Variants in SNRPN observed in about 807,000 individuals in gnomAD.
SNRPN encodes the protein small nuclear ribonucleoprotein polypeptide N, also known as small nuclear ribonucleoprotein-associated protein N.
A neutral mutation model predicts 25.2 loss-of-function variants in SNRPN; 7 were observed. The ratio of observed to expected loss-of-function variants is 0.28; its 90% confidence interval spans 0.16 to 0.52. The LOEUF (loss-of-function observed/expected upper bound fraction) is 0.52. Among genes scored for constraint, SNRPN ranks in the 20% least tolerant of loss-of-function variants. SNRPN has a pLI of 0.96. For missense variants in SNRPN, 196 were observed against 322.5 expected, an observed-to-expected ratio of 0.61 and a Z score of 3.00; for synonymous variants, 124 against 110.6, an observed-to-expected ratio of 1.12 and a Z score of -0.76.
In SNRPN at chr15:24,941,480, G is replaced by C. The variant is rs550648604; in HGVS notation, c.-390-20634G>C. Among the ~76,000 whole-genome samples, 51 of 152,250 alleles carry C rather than the reference G, an allele frequency of 3.3e-4. No homozygotes were observed. In the East Asian group the frequency reaches 9.3e-3, roughly 28 times the overall value. ...GCTGGTTGTGATTATTTATCTGGTG[G>C]GGTGACCCAAACCTTTGATTTCTGA... On this transcript the variant is annotated intron_variant, in intron 3 of 11. Coordinates refer to the SNRPN transcript ENST00000400097.
chr15:24,940,526 A>C (rs1436516972), intron 3 of SNRPN, among the ~76,000 whole-genome samples: 2 of 152,160 alleles, frequency 1.3e-5, no homozygotes, highest in East Asian at 3.9e-4. Flanking sequence ...GGAAGAGTTT[A>C]TTTCTGGGAT....
chr15:24,909,006 G>A (rs757730383), intron 2 of SNRPN: 100 of 1,414,020 alleles, frequency 7.1e-5, no homozygotes, highest in Non-Finnish European at 1.0e-4. Flanking sequence ...TTCTGAGCAA[G>A]GGACATTTTG....
At chr15:24,893,216 C>T (rs2057812982) in intron 2 of SNRPN, among the ~76,000 whole-genome samples, 1 of 121,972 alleles carries the variant, frequency 8.2e-6, no homozygotes, top group Non-Finnish European at 1.7e-5. Context: ...TCAAAACAAA[C>T]AAACAAACAA....
upstream of SNRPN, among the ~76,000 whole-genome samples, chr15:24,855,003 CA>C (rs10600812): frequency 0.76 from 106,662 of 140,794 alleles, 40,209 homozygotes; most frequent in East Asian, 0.99. Context: ...GACTCCGTCT[CA>C]AAAAAAAAAA....
At chr15:24,926,498 A>G (rs1340079292) in intron 3 of SNRPN, among the ~76,000 whole-genome samples, 2 of 152,076 alleles carry the variant, frequency 1.3e-5, no homozygotes, top group Non-Finnish European at 2.9e-5. Flanking sequence ...TTCTGCTTGT[A>G]TCCCTGCTTC....
upstream of SNRPN, among the ~76,000 whole-genome samples, chr15:24,954,158 T>G (rs978562363): frequency 2.0e-5 from 3 of 152,250 alleles, no homozygotes; most frequent in African/African-American, 7.2e-5. Flanking sequence ...CTTCCGTTAT[T>G]TCTGCAGATA....
chr15:24,847,486 C>T (rs910931777), intron 2 of SNRPN, among the ~76,000 whole-genome samples: 1 of 151,992 alleles, frequency 6.6e-6, no homozygotes, highest in Non-Finnish European at 1.5e-5. Flanking sequence ...ACTAAAAATA[C>T]AAAAATTAGT....
intron 1 of SNRPN, among the ~76,000 whole-genome samples, chr15:24,824,566 AT>A (rs1371640861): frequency 6.6e-6 from 1 of 152,190 alleles, no homozygotes; most frequent in Non-Finnish European, 1.5e-5. Context: ...CAAGCAGCAT[AT>A]ATTTTAATAG....
At chr15:24,893,932 C>T (rs1385255592) in intron 2 of SNRPN, among the ~76,000 whole-genome samples, 1 of 152,178 alleles carries the variant, frequency 6.6e-6, no homozygotes, top group Non-Finnish European at 1.5e-5. Context: ...AAAACCCAAT[C>T]CGTAAGCCTT....
At chr15:24,956,222 C>T (rs1157771479) in intron 1 of SNRPN, among the ~76,000 whole-genome samples, 1 of 152,036 alleles carries the variant, frequency 6.6e-6, no homozygotes, top group Non-Finnish European at 1.5e-5. Flanking sequence ...TTCATTGTTT[C>T]TCTCTGTTGG....
At chr15:24,878,736 T>A (rs569259295) in intron 1 of SNRPN, among the ~76,000 whole-genome samples, 1 of 152,176 alleles carries the variant, frequency 6.6e-6, no homozygotes, top group Non-Finnish European at 1.5e-5. Context: ...CCTCTCAATA[T>A]TAACAATTTT....
chr15:24,977,828 G>A lies in SNRPN; in HGVS notation c.471G>A (p.Ala157=), dbSNP rs1596351505. ...CTGTAGCAGCTGCTGCTGTTGCTGCGACTGCCAGTATTGCTGGAGCCCCAA... is the reference window on the plus strand; with the variant it reads ...CTGTAGCAGCTGCTGCTGTTGCTGCAACTGCCAGTATTGCTGGAGCCCCAA... ...RGTVAAAAVA[A]TASIAGAPTQ... Residue 157 remains alanine (A), a synonymous_variant, in exon 8 of 10, where the codon GCG becomes GCA. Transcript: ENST00000390687. The A allele has an allele frequency of 1.9e-6, 3 of 1,612,974 alleles. No individual in the cohort carries two copies. Among genetic ancestry groups the A allele is most frequent in the Non-Finnish European group, 2.5e-6 (3 of 1,179,286 alleles).
chr15:24,855,324 T>C (rs1341001500), upstream of SNRPN, among the ~76,000 whole-genome samples: 1 of 152,154 alleles, frequency 6.6e-6, no homozygotes, highest in African/African-American at 2.4e-5. Flanking sequence ...TCTCAAGAGG[T>C]CGGCACTAGT....
At position 24,955,022 on chromosome 15, in the gene SNRPN, T is replaced by A; in HGVS notation, c.-431T>A. ...GCGGCCGCCGGAGATGCCTGACGCATCTGTCTGAGGAGCGGTCAGTGACGC... is the reference window on the plus strand; with the variant it reads ...GCGGCCGCCGGAGATGCCTGACGCAACTGTCTGAGGAGCGGTCAGTGACGC... On this transcript the variant is annotated 5_prime_UTR_variant, in exon 1 of 10. Transcript: ENST00000390687. The A allele has an allele frequency of 6.2e-7, 1 of 1,612,742 alleles. No individual in the cohort carries two copies. The highest frequency in any genetic ancestry group is 8.5e-7 in the Non-Finnish European group (1 of 1,179,948).
intron 8 of SNRPN, 80 bp from the exon 9 acceptor site, chr15:24,978,109 ATTTC>A: frequency 7.0e-7 from 1 of 1,428,964 alleles, no homozygotes; most frequent in Non-Finnish European, 9.7e-7. Context: ...TGTCTGGCCC[ATTTC>A]TTTAGGGATT....
At chr15:24,831,110 G>A (rs2050480653) in intron 2 of SNRPN, among the ~76,000 whole-genome samples, 1 of 151,908 alleles carries the variant, frequency 6.6e-6, no homozygotes, top group African/African-American at 2.4e-5. Context: ...ATGCCCTGTT[G>A]CTCTGTTGTT....
chr15:24,964,170 T>A (rs1566961713), intron 2 of SNRPN, among the ~76,000 whole-genome samples: 1 of 152,228 alleles, frequency 6.6e-6, no homozygotes, highest in African/African-American at 2.4e-5. Context: ...TTTCATTTTT[T>A]AAAATTGCTT....
At chr15:24,899,037 T>C (rs28394018) in intron 2 of SNRPN, among the ~76,000 whole-genome samples, 5,331 of 152,010 alleles carry the variant, frequency 0.035, 274 homozygotes, top group East Asian at 0.19. Flanking sequence ...ATAATGGGAG[T>C]GCTAGAAGCA....
chr15:24,894,433 T>A (rs2057931243), intron 2 of SNRPN, among the ~76,000 whole-genome samples: 1 of 152,142 alleles, frequency 6.6e-6, no homozygotes. Flanking sequence ...TTAGCCAGGA[T>A]GTGTCTTGAT....
Sources: gnomAD v4.1 joint callset for allele counts (sites outside exome capture counted in the v4.1 genomes callset) on GRCh38, gnomAD v4.1.1 for gene constraint, MANE v1.5 for transcripts, NCBI Gene and HGNC (gene_info 2026-07-23, HGNC 2026-07-21) for gene names.